ZBTB16: variants seen among roughly 807,000 people sequenced by gnomAD.
The protein encoded by ZBTB16 is zinc finger and BTB domain containing 16.
A neutral mutation model predicts 56.8 loss-of-function variants in ZBTB16; 8 were observed. That is an observed-to-expected ratio of 0.14 (90% CI 0.08 to 0.25). The LOEUF (loss-of-function observed/expected upper bound fraction) is 0.25. Among genes scored for constraint, ZBTB16 ranks in the 10% least tolerant of loss-of-function variants. The pLI is 1.00. For missense variants in ZBTB16, 625 were observed against 903.0 expected (o/e 0.69, Z 3.95); for synonymous variants, 363 against 368.5 (o/e 0.98, Z 0.17).
chr11:114,171,384 T>C (rs1386968795), intron 3 of ZBTB16, among the ~76,000 whole-genome samples: 1 of 152,166 alleles, frequency 6.6e-6, no homozygotes, highest in Non-Finnish European at 1.5e-5. Flanking sequence ...AGAATCTCTA[T>C]CAGGAGCTAG....
At chr11:114,247,691 G>C (rs1944843449) in intron 6 of ZBTB16, among the ~76,000 whole-genome samples, 1 of 152,174 alleles carries the variant, frequency 6.6e-6, no homozygotes, top group African/African-American at 2.4e-5. Flanking sequence ...CCTGAATTAG[G>C]GGTAAGTTGG....
At chr11:114,196,161 CA>C (rs1019473010) in intron 4 of ZBTB16, among the ~76,000 whole-genome samples, 12 of 152,168 alleles carry the variant, frequency 7.9e-5, no homozygotes, top group African/African-American at 2.9e-4. Context: ...AGACAGGCCG[CA>C]AAACTGGAAT....
Position 114,157,204 on chromosome 11 carries a change from G to C in ZBTB16, c.1366+770G>C, listed in dbSNP as rs183700224. 1.4e-4 allele frequency among the ~76,000 whole-genome samples: 22 copies of C among 152,310 alleles called. No individual in the cohort carries two copies. The East Asian group carries it at 4.1e-3, about 28-fold the overall frequency. ...CTTCTCCTCATGTAGGCCAAGGCCT[G>C]CCTCTCCTTTCCCCATATTGGCTCC... On this transcript the variant is annotated intron_variant, in intron 3 of 6. Coordinates refer to ENST00000335953, the MANE Select transcript of ZBTB16 (RefSeq NM_006006.6).
At chr11:114,149,486 T>C (rs530744566) in intron 2 of ZBTB16, among the ~76,000 whole-genome samples, 4 of 152,306 alleles carry the variant, frequency 2.6e-5, no homozygotes, top group African/African-American at 9.6e-5. Flanking sequence ...GCATGGAAGG[T>C]GTTAACTAGC....
intron 2 of ZBTB16, among the ~76,000 whole-genome samples, chr11:114,156,117 G>A (rs770931598): frequency 1.3e-4 from 20 of 152,168 alleles, no homozygotes; most frequent in Non-Finnish European, 2.9e-4. Flanking sequence ...TAAAGCCCGT[G>A]GACAAGACCA....
intron 4 of ZBTB16, chr11:114,209,740 CCT>C (rs1943957766): frequency 1.0e-6 from 1 of 985,310 alleles, no homozygotes; most frequent in South Asian, 4.7e-5. Context: ...CATGTTCACC[CCT>C]CTCTCACTTG....
intron 4 of ZBTB16, 112 bp from the exon 5 acceptor site, chr11:114,242,055 A>G: frequency 7.0e-7 from 1 of 1,419,064 alleles, no homozygotes; most frequent in Non-Finnish European, 9.7e-7. Flanking sequence ...TTTGCCCCTG[A>G]GCATGGGGAT....
chr11:114,082,068 G>A (rs1215949608), intron 2 of ZBTB16, among the ~76,000 whole-genome samples: 1 of 147,138 alleles, frequency 6.8e-6, no homozygotes, highest in Non-Finnish European at 1.5e-5. Context: ...GATTGCGTGA[G>A]GCCAGAAGTT....
intron 2 of ZBTB16, among the ~76,000 whole-genome samples, chr11:114,141,883 T>C (rs1941955292): frequency 6.6e-6 from 1 of 152,270 alleles, no homozygotes; most frequent in South Asian, 2.1e-4. Context: ...CGCAGAATAG[T>C]GCCTGGCACA....
chr11:114,134,830 C>CT (rs1360294051), intron 2 of ZBTB16, among the ~76,000 whole-genome samples: 3 of 152,152 alleles, frequency 2.0e-5, no homozygotes, highest in Non-Finnish European at 4.4e-5. Context: ...GAGAGAAAAA[C>CT]TTTAATTAAG....
intron 4 of ZBTB16, among the ~76,000 whole-genome samples, chr11:114,240,696 T>C (rs1415344124): frequency 1.3e-5 from 2 of 152,092 alleles, no homozygotes; most frequent in Non-Finnish European, 2.9e-5. Context: ...CTTCCTCCTG[T>C]GGTGCTGCAG....
chr11:114,063,436 C>T lies in ZBTB16; in HGVS notation c.136C>T (p.His46Tyr). ...CATCATGGTGGACAGCCAGGAGTTC[C>T]ACGCCCACCGGACGGTGCTGGCCTG... ...VVIMVDSQEFHAHRTVLACTS... is the reference protein window; with the variant it reads ...VVIMVDSQEFYAHRTVLACTS... The change falls in exon 2 of 7, where the codon CAC becomes TAC. Residue 46 changes from histidine to tyrosine, a missense_variant. Transcript: ENST00000335953. The surrounding 1 kb of genome is among the most constrained non-coding windows in gnomAD (Gnocchi z 6.5). 1 of 1,614,176 alleles carries T rather than the reference C, an allele frequency of 6.2e-7. No individual in the cohort carries two copies. Among genetic ancestry groups the T allele is most frequent in the Non-Finnish European group, 8.5e-7 (1 of 1,180,032 alleles).
At position 114,250,723 on chromosome 11, in the gene ZBTB16, T is replaced by A. The variant is rs987326080; in HGVS notation, c.*168T>A. The A allele has an allele frequency of 2.3e-5, 17 of 736,292 alleles. No homozygotes were observed. The highest frequency in any genetic ancestry group is 7.8e-4 in the Middle Eastern group (2 of 2,574). 45.6% of individuals were successfully genotyped at this position (736,292 alleles called of 1,614,324 possible). A position where few individuals can be genotyped will look rare whatever the true frequency, so the allele number is the denominator to read the frequency against. On this transcript the variant is annotated 3_prime_UTR_variant, in exon 7 of 7. Transcript: ENST00000335953. This position sits in a 1 kb window ranked among gnomAD's most constrained non-coding sequence, Gnocchi z 6.0. ...GATTCTCTCTGGGCTCCAGATGACC[T>A]GGATGCCAAGCCACTGCCCCTCCTC...
intron 5 of ZBTB16, among the ~76,000 whole-genome samples, chr11:114,243,164 C>A (rs1253991741): frequency 6.6e-6 from 1 of 152,186 alleles, no homozygotes; most frequent in Non-Finnish European, 1.5e-5. Flanking sequence ...TGGGGCTCTG[C>A]TGAAACTACC....
intron 3 of ZBTB16, among the ~76,000 whole-genome samples, chr11:114,164,418 T>G (rs773080600): frequency 6.6e-6 from 1 of 152,198 alleles, no homozygotes; most frequent in East Asian, 1.9e-4. Flanking sequence ...TGCTGGGACA[T>G]CTGTCTGTCT....
At chr11:114,066,939 T>A (rs1939142082) in intron 2 of ZBTB16, among the ~76,000 whole-genome samples, 1 of 151,646 alleles carries the variant, frequency 6.6e-6, no homozygotes, top group African/African-American at 2.4e-5. Flanking sequence ...CCCAGCTAAT[T>A]TTTTGTATTT....
intron 5 of ZBTB16, among the ~76,000 whole-genome samples, chr11:114,246,382 G>A (rs931257125): frequency 3.3e-5 from 5 of 152,172 alleles, no homozygotes; most frequent in African/African-American, 1.2e-4. Context: ...GGGATGATGT[G>A]GAAGCATCTC....
At chr11:114,218,929 C>T (rs961319422) in intron 4 of ZBTB16, among the ~76,000 whole-genome samples, 1 of 152,164 alleles carries the variant, frequency 6.6e-6, no homozygotes, top group South Asian at 2.1e-4. Context: ...TAAACCTCAC[C>T]CAGCTAATCG....
chr11:114,123,149 T>C (rs1205472896), intron 2 of ZBTB16, among the ~76,000 whole-genome samples: 2 of 152,194 alleles, frequency 1.3e-5, no homozygotes, highest in Non-Finnish European at 2.9e-5. Context: ...GCATTTAACC[T>C]TAATTACTTC....
Sources: gnomAD v4.1 joint callset for allele counts (sites outside exome capture counted in the v4.1 genomes callset) on GRCh38, gnomAD v4.1.1 for gene constraint, Gnocchi (gnomAD v3.1) non-coding constraint, MANE v1.5 for transcripts, NCBI Gene and HGNC (gene_info 2026-07-23, HGNC 2026-07-21) for gene names.